Variants in SAMD3 observed in about 807,000 individuals in gnomAD.
The protein encoded by SAMD3 is sterile alpha motif domain containing 3.
In SAMD3, 63 loss-of-function variants were observed where a neutral mutation model predicts 58.5. The ratio of observed to expected loss-of-function variants is 1.08; its 90% CI spans 0.88 to 1.33. The LOEUF (loss-of-function observed/expected upper bound fraction) is 1.33, where lower values mean the gene tolerates loss of function less well. Among genes scored for constraint, SAMD3 ranks in the 40% most tolerant of loss-of-function variants. The probability of loss-of-function intolerance (pLI) is 0.00; values close to 1 mark genes in which losing one functional copy is unlikely to be tolerated. For missense variants in SAMD3, 604 were observed against 608.4 expected (o/e 0.99, Z 0.08); for synonymous variants, 220 against 210.3 (o/e 1.05, Z -0.40).
intron 1 of SAMD3, among the ~76,000 whole-genome samples, chr6:130,339,700 C>T (rs1249339473): frequency 6.6e-6 from 1 of 152,124 alleles, no homozygotes; most frequent in Non-Finnish European, 1.5e-5. Context: ...CACATTTATG[C>T]TTTTTTTCCT....
intron 8 of SAMD3, among the ~76,000 whole-genome samples, chr6:130,156,299 C>T (rs1582738986): frequency 6.6e-6 from 1 of 151,876 alleles, no homozygotes; most frequent in Non-Finnish European, 1.5e-5. Flanking sequence ...GCACTGCAAC[C>T]TGGGAGACAG....
chr6:130,184,093 G>T lies in SAMD3; in HGVS notation c.654+10C>A. The T allele has an allele frequency of 3.1e-6, 5 of 1,608,002 alleles. No homozygotes were observed. The highest frequency in any genetic ancestry group is 1.1e-5 in the South Asian group (1 of 90,888). ...TGAAATTAACAGGATGGTGCCATGT[G>T]GTCACTTACGAAGCCACAGCCATCC... is the stretch of plus-strand genomic sequence containing the variant. On this transcript the variant is annotated intron_variant, in intron 7 of 11. Coordinates refer to ENST00000439090, the MANE Select transcript of SAMD3 (RefSeq NM_001017373.4).
At chr6:130,247,020 C>T (rs540571832) in intron 2 of SAMD3, among the ~76,000 whole-genome samples, 7 of 152,322 alleles carry the variant, frequency 4.6e-5, no homozygotes, top group Non-Finnish European at 1.0e-4. Flanking sequence ...TTTCTAAATA[C>T]TATTTCCAAA....
chr6:130,261,254 C>T lies in SAMD3; in HGVS notation c.-187-38441G>A, dbSNP rs12192737. ...CTTGGTTTGAATTGCTTGACAGGAC[C>T]GGTCTTGGGAACTTGCCTACTCCAT... On this transcript the variant is annotated intron_variant, in intron 2 of 13. Transcript: ENST00000368134. Among the ~76,000 whole-genome samples the T allele has an allele frequency of 7.2e-4, 46 of 63,614 alleles. 8 individuals are homozygous for T. The highest frequency in any genetic ancestry group is 1.8e-3 in the Admixed American group (9 of 5,062). The allele number at this position is 63,614 out of a possible 152,430, so 41.7% of individuals were successfully genotyped here. A position where few individuals can be genotyped will look rare whatever the true frequency, so the allele number is the denominator to read the frequency against.
chr6:130,237,727 G>T (rs575203295), intron 2 of SAMD3, among the ~76,000 whole-genome samples: 1 of 152,192 alleles, frequency 6.6e-6, no homozygotes, highest in Admixed American at 6.5e-5. Flanking sequence ...CAAACTACTC[G>T]TAAGTGTCTT....
intron 1 of SAMD3, among the ~76,000 whole-genome samples, chr6:130,345,832 C>T (rs1015277245): frequency 6.6e-6 from 1 of 152,172 alleles, no homozygotes; most frequent in African/African-American, 2.4e-5. Context: ...AACAGATTCT[C>T]ATAATTGGAA....
At chr6:130,214,270 G>C in intron 4 of SAMD3, 67 bp downstream of exon 4, 1 of 1,316,684 alleles carries the variant, frequency 7.6e-7, no homozygotes, top group Middle Eastern at 2.0e-4. Context: ...AAACCCAAAC[G>C]TCACGCTCTA....
chr6:130,282,715 G>A (rs982545122), intron 2 of SAMD3, among the ~76,000 whole-genome samples: 2 of 152,142 alleles, frequency 1.3e-5, no homozygotes, highest in Non-Finnish European at 2.9e-5. Flanking sequence ...TGAAACAAAA[G>A]AGAATTTTCT....
chr6:130,196,632 A>G (rs1447009194), intron 5 of SAMD3, among the ~76,000 whole-genome samples: 4 of 152,192 alleles, frequency 2.6e-5, no homozygotes, highest in Non-Finnish European at 4.4e-5. Flanking sequence ...TCTATCCTCA[A>G]GGAAATAACT....
intron 3 of SAMD3, 58 bp from the exon 4 acceptor site, chr6:130,214,584 C>A: frequency 7.5e-7 from 1 of 1,328,016 alleles, no homozygotes; most frequent in East Asian, 2.5e-5. Context: ...CACAGGCATT[C>A]TGAAGAGGCA....
chr6:130,362,621 G>A (rs1310204722), intron 1 of SAMD3, among the ~76,000 whole-genome samples: 2 of 152,208 alleles, frequency 1.3e-5, no homozygotes, highest in East Asian at 1.9e-4. Flanking sequence ...ATGGTACGCT[G>A]CCAGTGCCCC....
At chr6:130,244,249 G>A (rs1310445466) in intron 2 of SAMD3, among the ~76,000 whole-genome samples, 1 of 152,132 alleles carries the variant, frequency 6.6e-6, no homozygotes. Context: ...ACTAACCTTA[G>A]GATGTGTCAT....
intron 1 of SAMD3, among the ~76,000 whole-genome samples, chr6:130,357,314 C>T (rs1466757783): frequency 6.6e-6 from 1 of 151,980 alleles, no homozygotes; most frequent in Non-Finnish European, 1.5e-5. Context: ...TTAGTAGAGA[C>T]GGGGTTTCAC....
intron 2 of SAMD3, among the ~76,000 whole-genome samples, chr6:130,237,094 TAATTA>T (rs1773181077): frequency 8.4e-6 from 1 of 118,878 alleles, no homozygotes; most frequent in Non-Finnish European, 1.6e-5. Context: ...TGTACTACAT[TAATTA>T]AAAAATAAAG....
chr6:130,283,080 A>G (rs1775035195), intron 2 of SAMD3, among the ~76,000 whole-genome samples: 1 of 151,950 alleles, frequency 6.6e-6, no homozygotes, highest in East Asian at 1.9e-4. Flanking sequence ...ACTACAAAAA[A>G]CGGCACATTT....
intron 2 of SAMD3, among the ~76,000 whole-genome samples, chr6:130,306,600 C>G (rs532669202): frequency 6.6e-6 from 1 of 152,304 alleles, no homozygotes; most frequent in African/African-American, 2.4e-5. Flanking sequence ...ACTGTCCAGT[C>G]TCTTGTCAGT....
intron 2 of SAMD3, among the ~76,000 whole-genome samples, chr6:130,243,474 G>A (rs1482349197): frequency 6.6e-6 from 1 of 152,156 alleles, no homozygotes; most frequent in Non-Finnish European, 1.5e-5. Flanking sequence ...AGTACCAGAT[G>A]CTGTGTATTC....
At chr6:130,351,764 A>C (rs559198620) in intron 1 of SAMD3, among the ~76,000 whole-genome samples, 1 of 152,260 alleles carries the variant, frequency 6.6e-6, no homozygotes, top group East Asian at 1.9e-4. Context: ...ACATGCACAC[A>C]TATGTTTATT....
chr6:130,250,260 T>A (rs763629675), intron 2 of SAMD3, among the ~76,000 whole-genome samples: 2 of 152,184 alleles, frequency 1.3e-5, no homozygotes, highest in Non-Finnish European at 2.9e-5. Flanking sequence ...GCATTTGACA[T>A]CTTCCAAAGC....
Sources: gnomAD v4.1 joint callset for allele counts (sites outside exome capture counted in the v4.1 genomes callset) on GRCh38, gnomAD v4.1.1 for gene constraint, MANE v1.5 for transcripts, NCBI Gene and HGNC (gene_info 2026-07-23, HGNC 2026-07-21) for gene names.